The following CEP112 variants were observed in gnomAD, a reference collection of about 807,000 sequenced individuals.
The protein encoded by CEP112 is centrosomal protein 112.
Under a neutral mutation model 153.0 loss-of-function variants are expected in CEP112, and 127 were observed. The ratio of observed to expected loss-of-function variants is 0.83; its 90% CI spans 0.72 to 0.96. The LOEUF is 0.96. Among genes scored for constraint, CEP112 ranks in the 40% least tolerant of loss-of-function variants. The pLI is 0.00. For synonymous variants in CEP112, 358 were observed against 374.4 expected (o/e 0.96, Z 0.51); for missense variants, 1,089 against 1,101.2 (o/e 0.99, Z 0.16).
chr17:65,668,251 G>A (rs2046798118), intron 24 of CEP112, among the ~76,000 whole-genome samples: 1 of 152,104 alleles, frequency 6.6e-6, no homozygotes, highest in Non-Finnish European at 1.5e-5. Flanking sequence ...ATAAGTTGGT[G>A]ACAGGGCCAA....
At chr17:66,182,853 C>T (rs572250199) in intron 2 of CEP112, among the ~76,000 whole-genome samples, 172 of 152,200 alleles carry the variant, frequency 1.1e-3, no homozygotes, top group Non-Finnish European at 1.9e-3. Flanking sequence ...GTCTCTGGCC[C>T]TTTCCATAGA....
In CEP112 at chr17:65,946,387, C is replaced by A. The variant is rs953380200; in HGVS notation, c.1872+15076G>T. ...TAAGGGGCAAGATTCTTTTTCCCCC[C>A]ATATGACTATCTACTTGATACTGCA... On this transcript the variant is annotated intron_variant, in intron 18 of 26. Transcript: ENST00000535342. 3.3e-5 allele frequency among the ~76,000 whole-genome samples: 5 copies of A among 152,096 alleles called. No homozygotes were observed. The East Asian group carries it at 9.6e-4, about 29-fold the overall frequency.
At chr17:66,029,846 A>G in intron 13 of CEP112, 23 bp downstream of exon 13, 1 of 1,603,344 alleles carries the variant, frequency 6.2e-7, no homozygotes, top group Non-Finnish European at 8.5e-7. Flanking sequence ...TACACCTGAT[A>G]AATATCTGAT....
chr17:66,168,716 C>T lies in CEP112; in HGVS notation c.470+6328G>A, dbSNP rs534000118. ...TAATTTGGCATCTTGAAATCATGGA[C>T]CAAACTAACAGCCAAAGTTGTCCAC... On this transcript the variant is annotated intron_variant, in intron 4 of 26. Transcript: ENST00000535342. Among the ~76,000 whole-genome samples the T allele has an allele frequency of 2.0e-5, 3 of 152,146 alleles. No homozygotes were observed. The South Asian group carries it at 6.2e-4, about 32-fold the overall frequency.
chr17:65,907,901 C>A (rs2060141692), intron 19 of CEP112, among the ~76,000 whole-genome samples: 2 of 152,120 alleles, frequency 1.3e-5, no homozygotes, highest in Non-Finnish European at 2.9e-5. Context: ...CTTCGGTTGA[C>A]CAACAATAAT....
chr17:65,669,844 G>A lies in CEP112; in HGVS notation c.2697+19285C>T, dbSNP rs547934689. Among the ~76,000 whole-genome samples the A allele has an allele frequency of 2.6e-4, 40 of 151,688 alleles. 1 individual carries two copies. Among genetic ancestry groups the A allele is most frequent in the South Asian group, 1.5e-3 (7 of 4,812 alleles). ...CGTGAACCCGGGAGGCGGAGGTTGC[G>A]GTGAGCCGAGATCGCGCCACTGCAC... On this transcript the variant is annotated intron_variant, in intron 24 of 26. Coordinates refer to ENST00000535342, the MANE Select transcript of CEP112 (RefSeq NM_001199165.4).
At chr17:65,690,470 A>T (rs1314015797) in intron 23 of CEP112, among the ~76,000 whole-genome samples, 1 of 150,416 alleles carries the variant, frequency 6.6e-6, no homozygotes, top group Admixed American at 6.7e-5. Context: ...ACATGCTTAG[A>T]TTATAATGGG....
At chr17:65,755,448 C>T (rs2052198808) in intron 21 of CEP112, among the ~76,000 whole-genome samples, 1 of 152,126 alleles carries the variant, frequency 6.6e-6, no homozygotes, top group Non-Finnish European at 1.5e-5. Context: ...ACAATTTGAC[C>T]TGAGATTTGG....
intron 24 of CEP112, among the ~76,000 whole-genome samples, chr17:65,643,922 G>A (rs1183726798): frequency 6.6e-6 from 1 of 152,210 alleles, no homozygotes; most frequent in Non-Finnish European, 1.5e-5. Context: ...ACCTAGGAGG[G>A]CACAGCACTG....
chr17:66,121,886 G>C (rs2069613461), intron 6 of CEP112, among the ~76,000 whole-genome samples: 2 of 150,984 alleles, frequency 1.3e-5, no homozygotes, highest in South Asian at 4.2e-4. Flanking sequence ...ACAGCTTTCT[G>C]TTTTTTGCTC....
chr17:65,971,511 C>G (rs1027611684), intron 17 of CEP112, among the ~76,000 whole-genome samples: 1 of 149,574 alleles, frequency 6.7e-6, no homozygotes, highest in Non-Finnish European at 1.5e-5. Context: ...ATCACACATG[C>G]ACATTACATG....
In CEP112 at chr17:66,156,772, A is replaced by G. The variant is rs532416037; in HGVS notation, c.470+18272T>C. Among the ~76,000 whole-genome samples, 102 of 152,202 alleles carry G rather than the reference A, an allele frequency of 6.7e-4. 1 individual carries two copies. Among genetic ancestry groups the G allele is most frequent in the Non-Finnish European group, 1.4e-3 (95 of 68,018 alleles). On this transcript the variant is annotated intron_variant, in intron 4 of 26. Coordinates refer to ENST00000535342, the MANE Select transcript of CEP112 (RefSeq NM_001199165.4). ...AATAGCCAAATTGATCAAGCGGAAG[A>G]AAGGATATCAGAGATTAAAGATCAA...
intron 21 of CEP112, among the ~76,000 whole-genome samples, chr17:65,798,589 A>AT (rs35313191): frequency 1.3e-5 from 2 of 152,200 alleles, no homozygotes; most frequent in African/African-American, 4.8e-5. Flanking sequence ...TTTCATTTAG[A>AT]TTTGCACATC....
chr17:65,937,547 G>T (rs1451883339), intron 18 of CEP112, among the ~76,000 whole-genome samples: 1 of 99,334 alleles, frequency 1.0e-5, no homozygotes, highest in Non-Finnish European at 2.1e-5. Context: ...CCGGCCAGCC[G>T]CCCCGTCCGG....
intron 23 of CEP112, among the ~76,000 whole-genome samples, chr17:65,735,595 T>C (rs1226337678): frequency 6.6e-6 from 1 of 152,192 alleles, no homozygotes; most frequent in East Asian, 1.9e-4. Context: ...AATTGTAAGT[T>C]GAGCCACTGT....
chr17:65,710,323 AG>A (rs2049111796), intron 23 of CEP112, among the ~76,000 whole-genome samples: 2 of 152,174 alleles, frequency 1.3e-5, no homozygotes, highest in African/African-American at 4.8e-5. Flanking sequence ...ACTTCATGGC[AG>A]GCATTTTGTT....
intron 16 of CEP112, among the ~76,000 whole-genome samples, chr17:66,019,878 G>A (rs1407699624): frequency 6.6e-6 from 1 of 152,210 alleles, no homozygotes; most frequent in East Asian, 1.9e-4. Context: ...ACCAGGGAGG[G>A]AGACTGATAG....
At chr17:66,031,497 T>G (rs4791096) in intron 12 of CEP112, among the ~76,000 whole-genome samples, 50 of 148,248 alleles carry the variant, frequency 3.4e-4, no homozygotes, top group Admixed American at 2.3e-3. Flanking sequence ...TTTTTTTTTT[T>G]TTTTGAGACA....
At chr17:66,021,699 GACTACCTCTAGACCCCTGTC>G (rs971868807) in intron 16 of CEP112, among the ~76,000 whole-genome samples, 3 of 152,136 alleles carry the variant, frequency 2.0e-5, no homozygotes, top group African/African-American at 7.2e-5. Context: ...GCCACCTGCT[GACTACCTCTAGACCCCTGTC>G]AGGGCTGGTG....
Sources: allele counts gnomAD v4.1 joint callset (sites outside exome capture counted in the v4.1 genomes callset), GRCh38; gene constraint gnomAD v4.1.1; transcripts MANE v1.5; gene names NCBI Gene and HGNC (gene_info 2026-07-23, HGNC 2026-07-21).